The following ZHX2 variants were observed in gnomAD, a reference collection of about 807,000 sequenced individuals.
ZHX2 encodes the protein zinc fingers and homeoboxes 2.
In ZHX2, 6 loss-of-function variants were observed where a neutral mutation model predicts 21.9. The observed-to-expected ratio is 0.27, with a 90% CI of 0.15 to 0.54. The LOEUF (loss-of-function observed/expected upper bound fraction) is 0.54. ZHX2 is among the 20% of genes least tolerant of loss of function. ZHX2 has a pLI of 0.95. For missense variants in ZHX2, 908 were observed against 1,090.7 expected, an observed-to-expected ratio of 0.83 and a Z score of 2.36; for synonymous variants, 434 against 437.1, an observed-to-expected ratio of 0.99 and a Z score of 0.09.
intron 1 of ZHX2, among the ~76,000 whole-genome samples, chr8:122,821,168 G>A (rs974769175): frequency 6.6e-6 from 1 of 152,230 alleles, no homozygotes; most frequent in Non-Finnish European, 1.5e-5. Context: ...TGGTTCTGCA[G>A]GGACCAGGAG....
At chr8:122,912,860 A>T (rs959778425) in intron 2 of ZHX2, among the ~76,000 whole-genome samples, 1 of 152,178 alleles carries the variant, frequency 6.6e-6, no homozygotes, top group Non-Finnish European at 1.5e-5. Context: ...ATTTAAGAAA[A>T]AGAAAAACAG....
At chr8:122,937,014 G>A (rs147792205) in intron 2 of ZHX2, among the ~76,000 whole-genome samples, 1 of 152,374 alleles carries the variant, frequency 6.6e-6, no homozygotes, top group East Asian at 1.9e-4. Context: ...CAGTGCCAGA[G>A]GTTCCACCTG....
chr8:122,808,656 G>A (rs1380159229), intron 1 of ZHX2: 1 of 152,222 alleles, frequency 6.6e-6, no homozygotes, highest in Non-Finnish European at 1.5e-5. Flanking sequence ...ATAGAGCACT[G>A]GCTGTGGTCA....
intron 2 of ZHX2, among the ~76,000 whole-genome samples, chr8:122,872,582 A>AC (rs1183707011): frequency 6.6e-6 from 1 of 152,052 alleles, no homozygotes. Context: ...CCCTGGCCTA[A>AC]CCCCCCGTTC....
chr8:122,801,170 C>T (rs767424232), intron 1 of ZHX2, among the ~76,000 whole-genome samples: 11 of 152,088 alleles, frequency 7.2e-5, no homozygotes, highest in Admixed American at 6.5e-4. Context: ...TGAAAAAATT[C>T]GTAATTCTAG....
chr8:122,860,654 G>A (rs562102180), intron 1 of ZHX2, among the ~76,000 whole-genome samples: 1 of 152,226 alleles, frequency 6.6e-6, no homozygotes, highest in South Asian at 2.1e-4. Flanking sequence ...GCTAGAGAAA[G>A]TTTGAGGCAG....
intron 1 of ZHX2, among the ~76,000 whole-genome samples, chr8:122,801,716 A>C (rs921822003): frequency 6.6e-6 from 1 of 152,176 alleles, no homozygotes; most frequent in Non-Finnish European, 1.5e-5. Flanking sequence ...GCACCGCTGC[A>C]GCTCCAGCCC....
At chr8:122,845,495 C>T (rs1229575960) in intron 1 of ZHX2, among the ~76,000 whole-genome samples, 4 of 152,182 alleles carry the variant, frequency 2.6e-5, no homozygotes, top group Admixed American at 2.0e-4. Flanking sequence ...CTCTGGAATA[C>T]TGAGATGTTG....
intron 2 of ZHX2, among the ~76,000 whole-genome samples, chr8:122,948,542 AAG>A (rs1248093345): frequency 6.6e-6 from 1 of 152,228 alleles, no homozygotes; most frequent in African/African-American, 2.4e-5. Context: ...TGCGAAAAGA[AAG>A]AGTAATGAGG....
intron 1 of ZHX2, among the ~76,000 whole-genome samples, chr8:122,821,241 T>G (rs551629451): frequency 1.3e-5 from 2 of 152,298 alleles, no homozygotes; most frequent in South Asian, 4.2e-4. Context: ...GCTTCCTGAC[T>G]TGCTGCCCAG....
At chr8:122,954,630 C>T (rs1813245900) in intron 3 of ZHX2, among the ~76,000 whole-genome samples, 1 of 152,032 alleles carries the variant, frequency 6.6e-6, no homozygotes, top group Non-Finnish European at 1.5e-5. Context: ...TGTAAAGGTT[C>T]TTTGAAAAAA....
At chr8:122,832,821 A>G (rs2130680060) in intron 1 of ZHX2, among the ~76,000 whole-genome samples, 1 of 152,204 alleles carries the variant, frequency 6.6e-6, no homozygotes, top group Non-Finnish European at 1.5e-5. Flanking sequence ...GAGGAGGTGC[A>G]TATTTGTGCT....
intron 1 of ZHX2, among the ~76,000 whole-genome samples, chr8:122,794,212 A>G (rs771759094): frequency 6.6e-6 from 1 of 152,042 alleles, no homozygotes; most frequent in Non-Finnish European, 1.5e-5. Context: ...GTGTGACTTC[A>G]TGTTGGTCCT....
chr8:122,785,413 C>T (rs1397957363), intron 1 of ZHX2, among the ~76,000 whole-genome samples: 1 of 152,212 alleles, frequency 6.6e-6, no homozygotes, highest in African/African-American at 2.4e-5. Context: ...TTAGGTTTAT[C>T]ATCTCATGGT....
At chr8:122,807,115 G>C (rs1032995050) in intron 1 of ZHX2, among the ~76,000 whole-genome samples, 53 of 152,300 alleles carry the variant, frequency 3.5e-4, no homozygotes, top group African/African-American at 1.3e-3. Flanking sequence ...AGCTGCTGCT[G>C]CTGTTGTCGT....
At chr8:122,930,654 T>TA (rs1242487741) in intron 2 of ZHX2, among the ~76,000 whole-genome samples, 12 of 149,036 alleles carry the variant, frequency 8.1e-5, no homozygotes, top group Admixed American at 1.3e-4. Context: ...GTTTTTTTTT[T>TA]TTTTTTATTT....
At chr8:122,904,671 C>T (rs1252709466) in intron 2 of ZHX2, among the ~76,000 whole-genome samples, 1 of 152,130 alleles carries the variant, frequency 6.6e-6, no homozygotes, top group East Asian at 1.9e-4. Context: ...GTGGCATAAA[C>T]CCCCTACCCA....
At chr8:122,858,627 TTTC>T (rs1819088256) in intron 1 of ZHX2, among the ~76,000 whole-genome samples, 3 of 141,606 alleles carry the variant, frequency 2.1e-5, no homozygotes, top group South Asian at 2.2e-4. Context: ...CTCCTTTTTT[TTTC>T]TTTCTTTCTT....
intron 1 of ZHX2, among the ~76,000 whole-genome samples, chr8:122,829,190 G>A (rs115679043): frequency 0.023 from 3,436 of 152,316 alleles, 115 homozygotes; most frequent in African/African-American, 0.079. Flanking sequence ...CTTGCCTAAA[G>A]CCACACCGCT....
Sources: allele counts gnomAD v4.1 joint callset (sites outside exome capture counted in the v4.1 genomes callset), GRCh38; gene constraint gnomAD v4.1.1; transcripts MANE v1.5; gene names NCBI Gene and HGNC (gene_info 2026-07-23, HGNC 2026-07-21).